Variants in ATP8A2 observed in about 807,000 individuals in gnomAD.
The protein encoded by ATP8A2 is phospholipid-transporting ATPase IB.
Under a neutral mutation model 165.6 loss-of-function variants are expected in ATP8A2, and 100 were observed. That is an observed-to-expected ratio of 0.60 (90% confidence interval 0.51 to 0.71). ATP8A2 has a LOEUF of 0.71. ATP8A2 is among the 30% of genes least tolerant of loss of function. The pLI is 0.00. For synonymous variants in ATP8A2, 543 were observed against 548.8 expected (o/e 0.99, Z 0.15); for missense variants, 1,227 against 1,479.5 (o/e 0.83, Z 2.80).
At chr13:25,681,721 T>G (rs1338736290) in intron 24 of ATP8A2, among the ~76,000 whole-genome samples, 1 of 152,180 alleles carries the variant, frequency 6.6e-6, no homozygotes, top group African/African-American at 2.4e-5. Flanking sequence ...TTTAGCTCCC[T>G]CTCTCTACCA....
intron 4 of ATP8A2, among the ~76,000 whole-genome samples, chr13:25,532,029 A>T (rs993043908): frequency 3.3e-5 from 5 of 152,192 alleles, no homozygotes; most frequent in African/African-American, 9.7e-5. Context: ...TAAAGCAAGG[A>T]GTGAAAAGTT....
chr13:25,593,610 C>A (rs144233006), intron 24 of ATP8A2, among the ~76,000 whole-genome samples: 2 of 152,102 alleles, frequency 1.3e-5, no homozygotes, highest in African/African-American at 4.8e-5. Flanking sequence ...ATTGATAATA[C>A]GTAAGGATTG....
rs560460756 is a variant in ATP8A2 at position 25,507,219 on chromosome 13, T to TTGTGTG, written c.222-22740_222-22735dup. 5.1e-3 allele frequency among the ~76,000 whole-genome samples: 646 copies of TTGTGTG among 126,986 alleles called. 5 individuals carry two copies. Among genetic ancestry groups the TTGTGTG allele is most frequent in the African/African-American group, 0.015 (488 of 32,848 alleles). The allele number at this position is 126,986 out of a possible 152,430, so 83.3% of individuals were successfully genotyped here. The stretch of plus-strand genomic sequence containing the variant: ...TGGGTAATTGTGCTGGTACCATTCT[T>TTGTGTG]TGTGTGTGTGTGTGTGTGTGTGTGT... On this transcript the variant is annotated intron_variant, in intron 2 of 36. Transcript: ENST00000381655.
intron 25 of ATP8A2, among the ~76,000 whole-genome samples, chr13:25,735,145 T>C (rs546026798): frequency 6.6e-6 from 1 of 152,362 alleles, no homozygotes; most frequent in East Asian, 1.9e-4. Context: ...GAAATCTTAT[T>C]GCAGGTTGCT....
intron 34 of ATP8A2, among the ~76,000 whole-genome samples, chr13:25,964,840 A>C (rs890783910): frequency 1.3e-5 from 2 of 152,132 alleles, no homozygotes; most frequent in African/African-American, 4.8e-5. Flanking sequence ...TTTGTTCTGA[A>C]CTTTGGTGGT....
chr13:25,684,042 A>G (rs2042549313), intron 24 of ATP8A2, among the ~76,000 whole-genome samples: 1 of 152,248 alleles, frequency 6.6e-6, no homozygotes, highest in Non-Finnish European at 1.5e-5. Context: ...TAAAATGAAC[A>G]ATGAGATGCT....
Position 25,927,295 on chromosome 13 carries a change from A to G in ATP8A2, c.3184-34280A>G, listed in dbSNP as rs577244737. ...TATCACCTTTGTTGAACAAAAGTCC[A>G]TGGCTTCTTCATTTCAGGAGTGAGT... On this transcript the variant is annotated intron_variant, in intron 33 of 36. Transcript: ENST00000381655. 3.8e-4 allele frequency: 170 copies of G among 448,778 alleles called. 1 individual carries two copies. Among genetic ancestry groups the G allele is most frequent in the South Asian group, 2.4e-3 (157 of 64,236 alleles). The allele number at this position is 448,778 out of a possible 1,614,324, so 27.8% of individuals were successfully genotyped here.
intron 2 of ATP8A2, among the ~76,000 whole-genome samples, chr13:25,514,535 G>A (rs2037402869): frequency 6.6e-6 from 1 of 152,150 alleles, no homozygotes; most frequent in African/African-American, 2.4e-5. Flanking sequence ...GGGTGCCCTG[G>A]GAATACTCCT....
At chr13:25,765,733 T>C (rs2044477204) in intron 25 of ATP8A2, among the ~76,000 whole-genome samples, 1 of 152,188 alleles carries the variant, frequency 6.6e-6, no homozygotes, top group Non-Finnish European at 1.5e-5. Context: ...GAATCCTCAC[T>C]TGACTTACTT....
chr13:26,012,592 C>T lies in ATP8A2; in HGVS notation c.3439C>T (p.Arg1147Trp), dbSNP rs371560228. 6.2e-5 allele frequency: 94 copies of T among 1,515,680 alleles called. No homozygotes were observed. The highest frequency in any genetic ancestry group is 7.7e-5 in the Non-Finnish European group (87 of 1,132,374). 93.9% of individuals were successfully genotyped at this position (1,515,680 alleles called of 1,614,324 possible). A position where few individuals can be genotyped will look rare whatever the true frequency, so the allele number is the denominator to read the frequency against. The change falls in exon 36 of 37, where the codon CGG becomes TGG. Residue 1147 changes from arginine to tryptophan, a missense_variant. Around this residue, in one of 5 missense-constraint regions of ATP8A2, gnomAD observed 260 missense variants for 245.1 expected, o/e 1.06. Coordinates refer to ENST00000381655, the MANE Select transcript of ATP8A2 (RefSeq NM_016529.6). ...LGRKTPPTLF[R>W]GSSLQQGVPH... ...CCGGAAGACGCCCCCGACGCTGTTCCGGGGCAGCTCCCTGCAGCAGGGCGT... is the reference window on the plus strand; with the variant it reads ...CCGGAAGACGCCCCCGACGCTGTTCTGGGGCAGCTCCCTGCAGCAGGGCGT...
intron 16 of ATP8A2, among the ~76,000 whole-genome samples, chr13:25,566,887 A>C (rs970716776): frequency 1.3e-5 from 2 of 152,218 alleles, no homozygotes; most frequent in African/African-American, 4.8e-5. Flanking sequence ...ATGCTTTTGC[A>C]GGACAGGTAA....
intron 26 of ATP8A2, among the ~76,000 whole-genome samples, chr13:25,772,003 T>C (rs2044630496): frequency 6.6e-6 from 1 of 152,110 alleles, no homozygotes; most frequent in South Asian, 2.1e-4. Flanking sequence ...AAGAAAAAAA[T>C]GTTAGCTCAA....
intron 24 of ATP8A2, among the ~76,000 whole-genome samples, chr13:25,621,196 T>TA (rs2040958912): frequency 1.3e-5 from 2 of 152,160 alleles, no homozygotes; most frequent in Admixed American, 6.6e-5. Flanking sequence ...TGAAATGTGT[T>TA]AAAAAATGTT....
chr13:25,781,437 T>C (rs1357627420), intron 27 of ATP8A2, among the ~76,000 whole-genome samples: 2 of 152,200 alleles, frequency 1.3e-5, no homozygotes, highest in Non-Finnish European at 2.9e-5. Flanking sequence ...GAGATTTTGT[T>C]TTATCATCAA....
chr13:25,576,977 C>A, intron 19 of ATP8A2, 92 bp from the exon 20 acceptor site: 1 of 1,011,282 alleles, frequency 9.9e-7, no homozygotes, highest in Non-Finnish European at 1.5e-6. Flanking sequence ...TTTAGGAACC[C>A]CAGACCCCCT....
intron 2 of ATP8A2, among the ~76,000 whole-genome samples, chr13:25,520,591 G>GTT (rs1294868641): frequency 2.3e-4 from 30 of 132,930 alleles, no homozygotes; most frequent in Non-Finnish European, 2.9e-4. Flanking sequence ...CCTATTTTTA[G>GTT]TTTTTTTTTT....
At chr13:25,531,364 A>ATATATATATGATTATATATATGAT (rs2038081615) in intron 4 of ATP8A2, among the ~76,000 whole-genome samples, 1 of 122,038 alleles carries the variant, frequency 8.2e-6, no homozygotes, top group Admixed American at 8.7e-5. Context: ...GTTATATATG[A>ATATATATATGATTATATATATGAT]TATATATATG....
intron 24 of ATP8A2, among the ~76,000 whole-genome samples, chr13:25,628,062 A>C (rs2041147640): frequency 6.6e-6 from 1 of 152,196 alleles, no homozygotes; most frequent in African/African-American, 2.4e-5. Flanking sequence ...TCCAGATAGA[A>C]GGGCACTTCA....
intron 16 of ATP8A2, among the ~76,000 whole-genome samples, chr13:25,568,898 C>A (rs143892921): frequency 6.6e-6 from 1 of 151,846 alleles, no homozygotes; most frequent in Admixed American, 6.6e-5. Flanking sequence ...TTATAGAATG[C>A]AATAGGAAGA....
Sources: gnomAD v4.1 joint callset for allele counts (sites outside exome capture counted in the v4.1 genomes callset) on GRCh38, gnomAD v4.1.1 for gene constraint, gnomAD v4.1.1 regional missense constraint, MANE v1.5 for transcripts, NCBI Gene and HGNC (gene_info 2026-07-23, HGNC 2026-07-21) for gene names.